WIPF1: variants seen among roughly 807,000 people sequenced by gnomAD.
The protein encoded by WIPF1 is WAS/WASL-interacting protein family member 1.
Under a neutral mutation model 35.4 loss-of-function variants are expected in WIPF1, and 13 were observed. The ratio of observed to expected loss-of-function variants is 0.37; its 90% CI spans 0.24 to 0.58. The LOEUF is 0.58. WIPF1 is among the 20% of genes least tolerant of loss of function. The pLI is 0.74. For synonymous variants in WIPF1, 267 were observed against 266.3 expected (o/e 1.00, Z -0.02); for missense variants, 591 against 667.0 (o/e 0.89, Z 1.25).
At chr2:174,617,889 G>A (rs1327686919) in intron 1 of WIPF1, among the ~76,000 whole-genome samples, 1 of 152,226 alleles carries the variant, frequency 6.6e-6, no homozygotes, top group East Asian at 1.9e-4. Context: ...TGCAGAGGTG[G>A]AAAGGGTGTG....
At chr2:174,573,207 G>A (rs1684931556) in intron 4 of WIPF1, among the ~76,000 whole-genome samples, 2 of 144,998 alleles carry the variant, frequency 1.4e-5, no homozygotes, top group African/African-American at 5.1e-5. Context: ...ACTAAAGGGG[G>A]AACCAAAGAG....
chr2:174,567,797 T>C (rs1684707764), intron 6 of WIPF1, 64 bp downstream of exon 6: 4 of 1,490,816 alleles, frequency 2.7e-6, no homozygotes, highest in Non-Finnish European at 3.6e-6. Flanking sequence ...GCAAACCACA[T>C]ATACAAACAG....
intron 7 of WIPF1, 74 bp downstream of exon 7, chr2:174,566,996 A>T (rs1467756089): frequency 6.8e-7 from 1 of 1,460,564 alleles, no homozygotes; most frequent in Admixed American, 1.8e-5. Context: ...AGAAGCCTGG[A>T]CTTTCTATAT....
chr2:174,639,694 G>A (rs1687257263), intron 1 of WIPF1, among the ~76,000 whole-genome samples: 1 of 152,064 alleles, frequency 6.6e-6, no homozygotes, highest in Admixed American at 6.6e-5. Context: ...TTTCTTTGCT[G>A]TGCAAAAGCT....
intron 1 of WIPF1, among the ~76,000 whole-genome samples, chr2:174,641,220 A>C (rs534503497): frequency 1.3e-5 from 2 of 152,298 alleles, no homozygotes; most frequent in African/African-American, 4.8e-5. Context: ...GAAGGTGTTA[A>C]ATTCTTTTCT....
At chr2:174,570,985 T>G (rs1448690167) in intron 5 of WIPF1, among the ~76,000 whole-genome samples, 3 of 152,178 alleles carry the variant, frequency 2.0e-5, no homozygotes, top group Non-Finnish European at 4.4e-5. Flanking sequence ...GTCCCTCAGA[T>G]CAAGGTTTCT....
intron 2 of WIPF1, among the ~76,000 whole-genome samples, chr2:174,583,589 G>T (rs1383564456): frequency 6.6e-6 from 1 of 152,074 alleles, no homozygotes; most frequent in Admixed American, 6.5e-5. Flanking sequence ...AGGTAACAAC[G>T]GATAGAAATG....
intron 1 of WIPF1, among the ~76,000 whole-genome samples, chr2:174,603,141 T>C (rs190163251): frequency 2.0e-5 from 3 of 152,282 alleles, no homozygotes; most frequent in East Asian, 3.9e-4. Context: ...TTTGACCACA[T>C]GGGGTCTAAA....
chr2:174,634,555 C>T (rs931464343), intron 1 of WIPF1: 1 of 152,208 alleles, frequency 6.6e-6, no homozygotes, highest in Non-Finnish European at 1.5e-5. Flanking sequence ...ACCAACTTCT[C>T]GAGTTCCCCT....
intron 1 of WIPF1, among the ~76,000 whole-genome samples, chr2:174,668,325 C>G (rs1398561242): frequency 6.6e-6 from 1 of 152,152 alleles, no homozygotes; most frequent in South Asian, 2.1e-4. Flanking sequence ...TCTTTACCTG[C>G]GAAACGCAAG....
At chr2:174,591,334 C>T (rs960102181) in intron 1 of WIPF1, among the ~76,000 whole-genome samples, 2 of 152,118 alleles carry the variant, frequency 1.3e-5, no homozygotes, top group Non-Finnish European at 2.9e-5. Context: ...TAACAACATA[C>T]GTTTGTCTAT....
chr2:174,633,955 AAGG>A (rs1559167682), intron 1 of WIPF1, among the ~76,000 whole-genome samples: 1 of 152,192 alleles, frequency 6.6e-6, no homozygotes, highest in African/African-American at 2.4e-5. Flanking sequence ...GAAAAGGGGG[AAGG>A]AGGACAGTAG....
Position 174,576,230 on chromosome 2 carries a change from C to CAAAAAAAAAAAAA in WIPF1, c.182-863_182-851dup, listed in dbSNP as rs66562213. 1.5e-3 allele frequency among the ~76,000 whole-genome samples: 147 copies of CAAAAAAAAAAAAA among 98,902 alleles called. 9 individuals carry two copies. Among genetic ancestry groups the CAAAAAAAAAAAAA allele is most frequent in the African/African-American group, 6.1e-3 (141 of 22,936 alleles). 64.9% of individuals were successfully genotyped at this position (98,902 alleles called of 152,430 possible). A position where few individuals can be genotyped will look rare whatever the true frequency, so the allele number is the denominator to read the frequency against. On this transcript the variant is annotated intron_variant, in intron 3 of 7. Coordinates refer to ENST00000679041, the MANE Select transcript of WIPF1 (RefSeq NM_001375834.1). The stretch of plus-strand genomic sequence containing the variant: ...CTATGATTGCACCACTGCACTCCAG[C>CAAAAAAAAAAAAA]AAAAAAAAAAAAAAAAAAACACTAA...
chr2:174,592,698 T>C (rs1434559767), intron 1 of WIPF1, among the ~76,000 whole-genome samples: 1 of 151,060 alleles, frequency 6.6e-6, no homozygotes. Flanking sequence ...CTCCACCTCC[T>C]GGGTTCAAAC....
Position 174,585,525 on chromosome 2 carries a change from G to A in WIPF1, c.49C>T (p.Leu17=), listed in dbSNP as rs769395136. 5.6e-6 allele frequency: 9 copies of A among 1,603,086 alleles called. No homozygotes were observed. In the East Asian group the frequency reaches 1.6e-4, roughly 28 times the overall value. Residue 17 remains leucine (L), a splice_region_variant and synonymous_variant, in exon 2 of 8, where the codon CTG becomes TTG. Coordinates refer to ENST00000679041, the MANE Select transcript of WIPF1 (RefSeq NM_001375834.1). ...GTGTTTGGGGAGGAGACACTCACCA[G>A]TGCAAACGTCGGGGGCGGCGGGGGT... The part of the protein sequence containing the change: ...PAPPPPPTFA[L]ANTEKPTLNK...
chr2:174,649,106 A>T (rs1463297056), intron 1 of WIPF1, among the ~76,000 whole-genome samples: 1 of 152,146 alleles, frequency 6.6e-6, no homozygotes, highest in Non-Finnish European at 1.5e-5. Flanking sequence ...TCCTGAGATG[A>T]CAGACATGAA....
intron 7 of WIPF1, among the ~76,000 whole-genome samples, chr2:174,564,092 C>A (rs1344107783): frequency 6.6e-6 from 1 of 152,178 alleles, no homozygotes; most frequent in African/African-American, 2.4e-5. Flanking sequence ...TTAGAGGGCA[C>A]TCCAAGTGCA....
Position 174,572,289 on chromosome 2 carries a change from T to TGGGGGCGGC in WIPF1, c.507_515dup (p.Pro170_Pro172dup). 6.2e-7 allele frequency: 1 copy of TGGGGGCGGC among 1,613,714 alleles called. No individual in the cohort carries two copies. The highest frequency in any genetic ancestry group is 8.5e-7 in the Non-Finnish European group (1 of 1,179,932). Reference sequence around the variant, plus strand: ...CAGGCTTTGAGCCCACGTCGGGCCTTGGGGGCGGCATTCGGTTCCTCTGAG... The same window carrying TGGGGGCGGC: ...CAGGCTTTGAGCCCACGTCGGGCCTTGGGGGCGGCGGGGGCGGCATTCGGTTCCTCTGAG... On this transcript the variant is annotated inframe_insertion, in exon 5 of 8. Transcript: ENST00000679041.
Position 174,571,788 on chromosome 2 carries a change from C to T in WIPF1, c.1017G>A (p.Leu339=), listed in dbSNP as rs1198669423. 1.2e-6 allele frequency: 2 copies of T among 1,614,224 alleles called. No homozygotes were observed. The highest frequency in any genetic ancestry group is 8.5e-7 in the Non-Finnish European group (1 of 1,180,042). ...ACGGGGGCGTGGACGAACTGAGGGA[C>T]AGATTCCGCTGTGGGAGTCTTGGGG... The part of the protein sequence containing the change: ...DETPRLPQRN[L]SLSSSTPPLP... Residue 339 remains leucine (L), a synonymous_variant, in exon 5 of 8, where the codon CTG becomes CTA. Transcript: ENST00000679041. This position sits in a 1 kb window ranked among gnomAD's most constrained non-coding sequence, Gnocchi z 4.6.
Sources: gnomAD v4.1 joint callset for allele counts (sites outside exome capture counted in the v4.1 genomes callset) on GRCh38, gnomAD v4.1.1 for gene constraint, Gnocchi (gnomAD v3.1) non-coding constraint, MANE v1.5 for transcripts, NCBI Gene and HGNC (gene_info 2026-07-23, HGNC 2026-07-21) for gene names.